The following NPAS3 variants were observed in gnomAD, a reference collection of about 807,000 sequenced individuals.
NPAS3 encodes neuronal PAS domain-containing protein 3.
A neutral mutation model predicts 73.1 loss-of-function variants in NPAS3; 14 were observed. The ratio of observed to expected loss-of-function variants is 0.19; its 90% CI spans 0.13 to 0.30. NPAS3 has a LOEUF of 0.30. NPAS3 is among the 10% of genes least tolerant of loss of function. The pLI is 1.00. For synonymous variants in NPAS3, 620 were observed against 541.5 expected (o/e 1.14, Z -2.01); for missense variants, 1,096 against 1,250.0 (o/e 0.88, Z 1.86).
intron 4 of NPAS3, among the ~76,000 whole-genome samples, chr14:33,503,691 G>A (rs1175893201): frequency 6.6e-6 from 1 of 151,976 alleles, no homozygotes; most frequent in Non-Finnish European, 1.5e-5. Flanking sequence ...AGAGCTTGAT[G>A]AGAAGAAATA....
intron 7 of NPAS3, among the ~76,000 whole-genome samples, chr14:33,743,107 A>G (rs1171582490): frequency 6.6e-6 from 1 of 152,180 alleles, no homozygotes; most frequent in Non-Finnish European, 1.5e-5. Context: ...TCTTCCCATG[A>G]ATCACAAATG....
chr14:33,101,334 T>C (rs2042570563), intron 2 of NPAS3, among the ~76,000 whole-genome samples: 1 of 152,148 alleles, frequency 6.6e-6, no homozygotes, highest in South Asian at 2.1e-4. Context: ...TCCTTATCTT[T>C]AAAAAATATA....
chr14:33,401,514 CTG>C (rs2047443896), intron 4 of NPAS3, among the ~76,000 whole-genome samples: 1 of 152,068 alleles, frequency 6.6e-6, no homozygotes, highest in African/African-American at 2.4e-5. Context: ...ATTGTGGACT[CTG>C]GAGTCAGATT....
chr14:33,057,158 C>T (rs901587283), intron 2 of NPAS3, among the ~76,000 whole-genome samples: 1 of 152,144 alleles, frequency 6.6e-6, no homozygotes, highest in African/African-American at 2.4e-5. Context: ...CTGTTCCCTA[C>T]CTAGCATGGT....
chr14:33,147,170 T>TC (rs969334586), intron 2 of NPAS3, among the ~76,000 whole-genome samples: 1 of 152,206 alleles, frequency 6.6e-6, no homozygotes, highest in African/African-American at 2.4e-5. Flanking sequence ...TGCATTTTTT[T>TC]CTTCCACATC....
chr14:33,179,481 G>T (rs1292349792), intron 2 of NPAS3, among the ~76,000 whole-genome samples: 4 of 152,102 alleles, frequency 2.6e-5, no homozygotes, highest in Non-Finnish European at 5.9e-5. Flanking sequence ...AGTAACAACT[G>T]TTAATAAATA....
intron 1 of NPAS3, among the ~76,000 whole-genome samples, chr14:33,036,123 C>T (rs1595289648): frequency 6.6e-6 from 1 of 152,066 alleles, no homozygotes; most frequent in Admixed American, 6.6e-5. Context: ...TCCAAGTCTC[C>T]TTCTAAGGCA....
intron 4 of NPAS3, among the ~76,000 whole-genome samples, chr14:33,533,605 A>T (rs979269987): frequency 5.3e-5 from 8 of 152,172 alleles, no homozygotes; most frequent in Admixed American, 6.6e-5. Context: ...ATTCATTTTT[A>T]AAAAACACTA....
Position 33,705,771 on chromosome 14 carries a change from C to T in NPAS3, c.733+29386C>T, listed in dbSNP as rs545212405. ...TTAGATATGGCAGTGGTGGGAAATA[C>T]GTACTGAAAAACAAATCCACAAGAA... On this transcript the variant is annotated intron_variant, in intron 6 of 11. Transcript: ENST00000356141. 5.3e-5 allele frequency among the ~76,000 whole-genome samples: 8 copies of T among 152,236 alleles called. No homozygotes were observed. The South Asian group carries it at 1.0e-3, about 20-fold the overall frequency.
intron 2 of NPAS3, among the ~76,000 whole-genome samples, chr14:33,184,129 A>C (rs575456727): frequency 6.6e-6 from 1 of 152,308 alleles, no homozygotes; most frequent in South Asian, 2.1e-4. Flanking sequence ...GAACGAAGTC[A>C]AACACGCACT....
intron 5 of NPAS3, among the ~76,000 whole-genome samples, chr14:33,602,497 T>G (rs2057429979): frequency 1.3e-5 from 2 of 152,228 alleles, no homozygotes; most frequent in African/African-American, 4.8e-5. Context: ...GATACTTTAC[T>G]CAGTCCCTCA....
intron 5 of NPAS3, among the ~76,000 whole-genome samples, chr14:33,658,015 C>T (rs185934982): frequency 4.6e-5 from 7 of 152,352 alleles, no homozygotes; most frequent in East Asian, 1.9e-4. Context: ...ACTCCTTTCC[C>T]GCCTCTCAGC....
chr14:33,613,680 C>T (rs780761395), intron 5 of NPAS3, among the ~76,000 whole-genome samples: 2 of 152,180 alleles, frequency 1.3e-5, no homozygotes, highest in African/African-American at 2.4e-5. Context: ...CCACACTGCT[C>T]ATCCTTCGCA....
At chr14:32,964,561 A>G (rs1409659174) in intron 1 of NPAS3, among the ~76,000 whole-genome samples, 1 of 152,256 alleles carries the variant, frequency 6.6e-6, no homozygotes, top group African/African-American at 2.4e-5. Flanking sequence ...TTAAAATTCT[A>G]TATGAGTAGA....
intron 5 of NPAS3, among the ~76,000 whole-genome samples, chr14:33,592,111 A>T (rs2057089611): frequency 6.6e-6 from 1 of 151,952 alleles, no homozygotes. Flanking sequence ...CCTTATTCAC[A>T]CCCCACCCCC....
chr14:33,292,705 G>A (rs761554801), intron 3 of NPAS3, among the ~76,000 whole-genome samples: 1 of 152,086 alleles, frequency 6.6e-6, no homozygotes, highest in Non-Finnish European at 1.5e-5. Context: ...AACTTCTTTA[G>A]TTGTTGGAGG....
At chr14:33,442,248 G>C (rs528930409) in intron 4 of NPAS3, among the ~76,000 whole-genome samples, 2 of 152,104 alleles carry the variant, frequency 1.3e-5, no homozygotes, top group South Asian at 4.2e-4. Flanking sequence ...TCTAACTTTT[G>C]GTGAACTAAA....
At chr14:33,407,957 C>T (rs959961346) in intron 4 of NPAS3, among the ~76,000 whole-genome samples, 2 of 151,956 alleles carry the variant, frequency 1.3e-5, no homozygotes, top group Non-Finnish European at 2.9e-5. Context: ...AAAAGAAAAA[C>T]AAAAGATGAA....
chr14:33,066,994 T>A (rs540805862), intron 2 of NPAS3, among the ~76,000 whole-genome samples: 45 of 152,320 alleles, frequency 3.0e-4, no homozygotes, highest in African/African-American at 1.1e-3. Context: ...AGCAACCATG[T>A]TTGAAATAGA....
Sources: allele counts gnomAD v4.1 joint callset (sites outside exome capture counted in the v4.1 genomes callset), GRCh38; gene constraint gnomAD v4.1.1; transcripts MANE v1.5; gene names NCBI Gene and HGNC (gene_info 2026-07-23, HGNC 2026-07-21).